Variants in PLXNA4 observed in about 807,000 individuals in gnomAD.
PLXNA4 encodes plexin-A4.
A neutral mutation model predicts 191.8 loss-of-function variants in PLXNA4; 44 were observed. The observed-to-expected ratio is 0.23, with a 90% CI of 0.18 to 0.29. PLXNA4 has a LOEUF of 0.29. PLXNA4 is among the 10% of genes least tolerant of loss of function. PLXNA4 has a pLI of 1.00. For missense variants in PLXNA4, 1,800 were observed against 2,488.8 expected, an observed-to-expected ratio of 0.72 and a Z score of 5.89; for synonymous variants, 1,082 against 1,009.5, an observed-to-expected ratio of 1.07 and a Z score of -1.36.
intron 9 of PLXNA4, among the ~76,000 whole-genome samples, chr7:132,215,655 A>G (rs776717368): frequency 8.5e-5 from 13 of 152,186 alleles, no homozygotes; most frequent in Non-Finnish European, 1.6e-4. Context: ...TGGGGAAGGG[A>G]GAGGGGCTGG....
chr7:132,481,865 A>T (rs978239251), intron 3 of PLXNA4, among the ~76,000 whole-genome samples: 5 of 152,132 alleles, frequency 3.3e-5, no homozygotes, highest in African/African-American at 1.2e-4. Flanking sequence ...TTGTTGAGGA[A>T]GTTTCCTCAC....
intron 3 of PLXNA4, chr7:132,484,688 C>T: frequency 1.4e-6 from 2 of 1,439,732 alleles, no homozygotes; most frequent in Non-Finnish European, 1.9e-6. Context: ...ACCACATGTT[C>T]CTAGTCTATT....
intron 3 of PLXNA4, among the ~76,000 whole-genome samples, chr7:132,389,376 T>C (rs1563072372): frequency 6.6e-6 from 1 of 152,252 alleles, no homozygotes; most frequent in African/African-American, 2.4e-5. Context: ...GCCTAGGTTT[T>C]CTTCTAGGGT....
chr7:132,399,209 G>T (rs992902550), intron 3 of PLXNA4, among the ~76,000 whole-genome samples: 2 of 152,100 alleles, frequency 1.3e-5, no homozygotes, highest in Non-Finnish European at 2.9e-5. Context: ...TCAAATGGGC[G>T]CAAGGGCTCA....
intron 4 of PLXNA4, among the ~76,000 whole-genome samples, chr7:132,249,499 G>T (rs746566503): frequency 6.6e-6 from 1 of 152,196 alleles, no homozygotes; most frequent in Admixed American, 6.5e-5. Context: ...TCTGCAGAGC[G>T]TCGAGAAATC....
At chr7:132,588,685 AG>A (rs1224413987) in intron 2 of PLXNA4, among the ~76,000 whole-genome samples, 36 of 20,778 alleles carry the variant, frequency 1.7e-3, no homozygotes, top group Non-Finnish European at 2.0e-3. Flanking sequence ...GGAAGGGAGG[AG>A]GGAGGGAGGG....
At chr7:132,493,751 A>G (rs147442703) in intron 2 of PLXNA4, among the ~76,000 whole-genome samples, 3 of 7,730 alleles carry the variant, frequency 3.9e-4, no homozygotes, top group Admixed American at 1.8e-3. Flanking sequence ...GGATGGGTGG[A>G]TGGATGGATG....
intron 1 of PLXNA4, among the ~76,000 whole-genome samples, chr7:132,545,032 C>T (rs1289238493): frequency 6.6e-6 from 1 of 152,152 alleles, no homozygotes; most frequent in Non-Finnish European, 1.5e-5. Flanking sequence ...TTGTCTACAC[C>T]AAATCAATAA....
chr7:132,212,044 G>A (rs1797819348), intron 9 of PLXNA4, among the ~76,000 whole-genome samples: 3 of 152,178 alleles, frequency 2.0e-5, no homozygotes, highest in Non-Finnish European at 4.4e-5. Context: ...ATGGATGTGG[G>A]CAGGCGTGAA....
intron 1 of PLXNA4, among the ~76,000 whole-genome samples, chr7:132,511,674 G>A (rs956806367): frequency 3.3e-5 from 5 of 152,168 alleles, no homozygotes; most frequent in Admixed American, 6.6e-5. Context: ...CGTTGTTATC[G>A]TTAGCAAGAT....
At chr7:132,175,277 G>A (rs1796420359) in intron 20 of PLXNA4, among the ~76,000 whole-genome samples, 1 of 152,270 alleles carries the variant, frequency 6.6e-6, no homozygotes, top group Non-Finnish European at 1.5e-5. Context: ...CTGGGGAGGG[G>A]GATGTAGAGG....
chr7:132,339,055 C>T (rs1802924854), intron 3 of PLXNA4, among the ~76,000 whole-genome samples: 1 of 152,164 alleles, frequency 6.6e-6, no homozygotes, highest in Non-Finnish European at 1.5e-5. Context: ...GCAGCTTCTT[C>T]CAGAATGGCA....
chr7:132,315,853 T>C (rs1801924308), intron 3 of PLXNA4, among the ~76,000 whole-genome samples: 1 of 152,128 alleles, frequency 6.6e-6, no homozygotes, highest in African/African-American at 2.4e-5. Context: ...GTGCCACGTG[T>C]GTGCAGTGTA....
Position 132,443,978 on chromosome 7 carries a change from G to A in PLXNA4, c.1371+45314C>T, listed in dbSNP as rs1368590. ...GTCCAACAAAGCCACATCCACCTCAGTGAACTGGGTGGGATCCCCCTGCCT... is the reference window on the plus strand; with the variant it reads ...GTCCAACAAAGCCACATCCACCTCAATGAACTGGGTGGGATCCCCCTGCCT... On this transcript the variant is annotated intron_variant, in intron 3 of 31. Coordinates refer to ENST00000321063, the MANE Select transcript of PLXNA4 (RefSeq NM_020911.2). 3.5e-4 allele frequency among the ~76,000 whole-genome samples: 54 copies of A among 152,348 alleles called. 1 individual carries two copies. Among genetic ancestry groups the A allele is most frequent in the Non-Finnish European group, 6.6e-4 (45 of 68,038 alleles).
intron 3 of PLXNA4, among the ~76,000 whole-genome samples, chr7:132,471,754 G>A (rs564413963): frequency 1.3e-5 from 2 of 152,036 alleles, no homozygotes; most frequent in African/African-American, 2.4e-5. Flanking sequence ...TCAAACTCTG[G>A]TTCCCCCTTC....
chr7:132,147,769 C>T lies in PLXNA4; in HGVS notation c.4864+131G>A. 7 of 1,244,730 alleles carry T rather than the reference C, an allele frequency of 5.6e-6. No homozygotes were observed. In the South Asian group the frequency reaches 1.0e-4, roughly 18 times the overall value. The allele number at this position is 1,244,730 out of a possible 1,614,324, so 77.1% of individuals were successfully genotyped here. ...TCCTCTTCCCCCACCTGGCTCTCTT[C>T]CCCGATGGTCAGCCTGTCTGATGCC... On this transcript the variant is annotated intron_variant, in intron 27 of 31. Coordinates refer to ENST00000321063, the MANE Select transcript of PLXNA4 (RefSeq NM_020911.2).
intron 16 of PLXNA4, among the ~76,000 whole-genome samples, chr7:132,183,845 G>A (rs981705513): frequency 6.6e-6 from 1 of 152,176 alleles, no homozygotes; most frequent in Admixed American, 6.5e-5. Flanking sequence ...TTTAAGACAG[G>A]GGGTGGCAAA....
intron 3 of PLXNA4, among the ~76,000 whole-genome samples, chr7:132,352,556 G>C (rs1803535101): frequency 6.6e-6 from 1 of 152,110 alleles, no homozygotes; most frequent in Non-Finnish European, 1.5e-5. Context: ...TCCCCTGCCT[G>C]GTCAATCCTT....
intron 2 of PLXNA4, among the ~76,000 whole-genome samples, chr7:132,607,448 A>C (rs910797001): frequency 1.3e-5 from 2 of 152,234 alleles, no homozygotes; most frequent in Non-Finnish European, 2.9e-5. Flanking sequence ...CTGCAAATCC[A>C]TACTGAGCAG....
Sources: gnomAD v4.1 joint callset for allele counts (sites outside exome capture counted in the v4.1 genomes callset) on GRCh38, gnomAD v4.1.1 for gene constraint, MANE v1.5 for transcripts, NCBI Gene and HGNC (gene_info 2026-07-23, HGNC 2026-07-21) for gene names.